Variants in ZNF804B observed in about 807,000 individuals in gnomAD.
ZNF804B encodes zinc finger 804B.
ZNF804B carries 80 observed loss-of-function variants against 101.4 expected under a neutral mutation model. The ratio of observed to expected loss-of-function variants is 0.79; its 90% CI spans 0.66 to 0.95. The LOEUF is 0.95. Among genes scored for constraint, ZNF804B ranks in the 40% least tolerant of loss-of-function variants. The pLI, the probability that ZNF804B is intolerant of heterozygous loss-of-function variation, is 0.00. For synonymous variants in ZNF804B, 622 were observed against 558.8 expected (o/e 1.11, Z -1.59); for missense variants, 1,673 against 1,561.9 (o/e 1.07, Z -1.20).
At chr7:88,867,830 C>T (rs958116508) in intron 1 of ZNF804B, among the ~76,000 whole-genome samples, 1 of 152,080 alleles carries the variant, frequency 6.6e-6, no homozygotes, top group African/African-American at 2.4e-5. Flanking sequence ...ATTATAGCTA[C>T]TTCACAGTTA....
chr7:88,850,362 A>C (rs1232830674), intron 1 of ZNF804B, among the ~76,000 whole-genome samples: 1 of 152,142 alleles, frequency 6.6e-6, no homozygotes, highest in Non-Finnish European at 1.5e-5. Context: ...ATAGAGTATC[A>C]GAGGTGAGAG....
chr7:88,984,196 G>T (rs1217241166), intron 1 of ZNF804B, among the ~76,000 whole-genome samples: 1 of 151,980 alleles, frequency 6.6e-6, no homozygotes, highest in African/African-American at 2.4e-5. Context: ...TGAATTTTTT[G>T]AAAACTGTCT....
At position 89,281,954 on chromosome 7, in the gene ZNF804B, C is replaced by A. The variant is rs73399193; in HGVS notation, c.250-45390C>A. ...AAGAAGAGAGCCTAAAACAATGTAA[C>A]CTTTTGGGAGGCCGAGGCGGGCGGA... On this transcript the variant is annotated intron_variant, in intron 2 of 3. Coordinates refer to ENST00000333190, the MANE Select transcript of ZNF804B (RefSeq NM_181646.5). Among the ~76,000 whole-genome samples the A allele has an allele frequency of 3.4e-4, 52 of 152,174 alleles. 1 individual carries two copies. The highest frequency in any genetic ancestry group is 1.2e-3 in the African/African-American group (50 of 41,514).
At chr7:89,103,971 C>T (rs1406383482) in intron 1 of ZNF804B, among the ~76,000 whole-genome samples, 2 of 151,912 alleles carry the variant, frequency 1.3e-5, no homozygotes, top group Non-Finnish European at 2.9e-5. Context: ...GCTTTTTCTG[C>T]ATCTAATTGA....
chr7:88,799,560 A>G (rs1351511932), intron 1 of ZNF804B, among the ~76,000 whole-genome samples: 1 of 152,070 alleles, frequency 6.6e-6, no homozygotes, highest in Non-Finnish European at 1.5e-5. Flanking sequence ...AAGTAAATTT[A>G]AAGAAAAACT....
chr7:89,048,835 G>T (rs1789154084), intron 1 of ZNF804B, among the ~76,000 whole-genome samples: 1 of 151,660 alleles, frequency 6.6e-6, no homozygotes, highest in South Asian at 2.1e-4. Context: ...CTCTTCTTAT[G>T]AATTTTATGA....
chr7:88,797,473 C>T (rs1379435459), intron 1 of ZNF804B, among the ~76,000 whole-genome samples: 3 of 152,134 alleles, frequency 2.0e-5, no homozygotes, highest in Non-Finnish European at 4.4e-5. Flanking sequence ...GAGGCAAAGC[C>T]TCTGCCTTCA....
chr7:89,095,369 C>G (rs79500941), intron 1 of ZNF804B, among the ~76,000 whole-genome samples: 441 of 152,262 alleles, frequency 2.9e-3, no homozygotes, highest in Middle Eastern at 0.01. Context: ...GAGAAATAAA[C>G]ATTTATTTTT....
intron 1 of ZNF804B, among the ~76,000 whole-genome samples, chr7:89,018,928 A>G (rs1355257774): frequency 1.3e-5 from 2 of 151,980 alleles, no homozygotes; most frequent in African/African-American, 4.8e-5. Flanking sequence ...TTATCTTTCA[A>G]AAAAGCTAAC....
chr7:88,887,300 A>G (rs1792143646), intron 1 of ZNF804B, among the ~76,000 whole-genome samples: 1 of 120,992 alleles, frequency 8.3e-6, no homozygotes, highest in South Asian at 2.7e-4. Flanking sequence ...TCTCTTGTAA[A>G]TTTGTTTAAG....
At chr7:88,854,455 C>CTTTCTT (rs1791510359) in intron 1 of ZNF804B, among the ~76,000 whole-genome samples, 1 of 121,762 alleles carries the variant, frequency 8.2e-6, no homozygotes, top group African/African-American at 3.5e-5. Context: ...TTCTTTCTTT[C>CTTTCTT]TTTCTTTCTT....
chr7:88,833,128 T>G (rs533186751), intron 1 of ZNF804B, among the ~76,000 whole-genome samples: 1 of 151,604 alleles, frequency 6.6e-6, no homozygotes, highest in African/African-American at 2.4e-5. Context: ...TATATCCTCT[T>G]TCAATATTTC....
chr7:88,989,116 G>A (rs971031286), intron 1 of ZNF804B, among the ~76,000 whole-genome samples: 17 of 151,918 alleles, frequency 1.1e-4, no homozygotes, highest in South Asian at 2.1e-4. Flanking sequence ...TCTGCCTCCC[G>A]GGTTCAAGGG....
At chr7:89,171,371 T>TTCC (rs1791231281) in intron 1 of ZNF804B, among the ~76,000 whole-genome samples, 1 of 110,846 alleles carries the variant, frequency 9.0e-6, no homozygotes, top group Non-Finnish European at 2.0e-5. Flanking sequence ...CCTCTTCCTC[T>TTCC]TCTTCCTCTT....
intron 1 of ZNF804B, among the ~76,000 whole-genome samples, chr7:89,071,253 G>T (rs933992628): frequency 1.3e-5 from 2 of 152,128 alleles, no homozygotes; most frequent in Admixed American, 6.5e-5. Context: ...TCAATTCAAG[G>T]GTTGTCTGTA....
At chr7:89,145,518 C>G (rs1425748634) in intron 1 of ZNF804B, among the ~76,000 whole-genome samples, 2 of 152,022 alleles carry the variant, frequency 1.3e-5, no homozygotes, top group Non-Finnish European at 1.5e-5. Context: ...CAAGAGCAGA[C>G]TCAAACAATT....
intron 1 of ZNF804B, among the ~76,000 whole-genome samples, chr7:88,776,532 G>A (rs1156426420): frequency 7.0e-6 from 1 of 142,220 alleles, no homozygotes; most frequent in African/African-American, 2.6e-5. Flanking sequence ...TACATTTGTA[G>A]TGGCTTTTCT....
chr7:89,214,555 T>C (rs1380682066), intron 1 of ZNF804B, among the ~76,000 whole-genome samples: 1 of 152,166 alleles, frequency 6.6e-6, no homozygotes, highest in Non-Finnish European at 1.5e-5. Flanking sequence ...GGCCTATTTT[T>C]TCAGTAAAAG....
chr7:89,167,828 G>A (rs560734594), intron 1 of ZNF804B, among the ~76,000 whole-genome samples: 8 of 151,932 alleles, frequency 5.3e-5, no homozygotes, highest in Non-Finnish European at 1.2e-4. Context: ...TTGTCATAAA[G>A]TTCCTTATTA....
Sources: gnomAD v4.1 joint callset for allele counts (sites outside exome capture counted in the v4.1 genomes callset) on GRCh38, gnomAD v4.1.1 for gene constraint, MANE v1.5 for transcripts, NCBI Gene and HGNC (gene_info 2026-07-23, HGNC 2026-07-21) for gene names.